Variants in MTCH1 observed in about 807,000 individuals in gnomAD.
MTCH1 encodes the protein mitochondrial carrier 1, also known as mitochondrial carrier homolog 1.
A neutral mutation model predicts 49.3 loss-of-function variants in MTCH1; 23 were observed. The observed-to-expected ratio is 0.47, with a 90% CI of 0.34 to 0.66. MTCH1 has a LOEUF of 0.66. Among genes scored for constraint, MTCH1 ranks in the 30% least tolerant of loss-of-function variants. The pLI, the probability that MTCH1 is intolerant of heterozygous loss-of-function variation, is 0.01. For synonymous variants in MTCH1, 229 were observed against 215.2 expected (o/e 1.06, Z -0.56); for missense variants, 397 against 532.1 (o/e 0.75, Z 2.50).
intron 1 of MTCH1, among the ~76,000 whole-genome samples, chr6:36,983,067 G>C (rs567309499): frequency 8.5e-5 from 13 of 152,360 alleles, no homozygotes; most frequent in Non-Finnish European, 1.5e-4. Flanking sequence ...TATCAAGCAA[G>C]TGCTTTTCAA....
chr6:36,976,389 C>T (rs1036791034), intron 6 of MTCH1: 1 of 367,938 alleles, frequency 2.7e-6, no homozygotes, highest in Admixed American at 3.7e-5. Context: ...CAGTGGAAGG[C>T]AAAGCCCTGG....
At chr6:36,978,658 C>A in intron 2 of MTCH1, 47 bp from the exon 3 acceptor site, 1 of 1,554,476 alleles carries the variant, frequency 6.4e-7, no homozygotes. Context: ...AGTTCAGGGG[C>A]ACCCACTCCT....
At chr6:36,984,895 G>T (rs576444172) in intron 1 of MTCH1, among the ~76,000 whole-genome samples, 1 of 151,788 alleles carries the variant, frequency 6.6e-6, no homozygotes, top group Non-Finnish European at 1.5e-5. Context: ...CAATACTCCC[G>T]TGCCCCTTCT....
intron 8 of MTCH1, 53 bp from the exon 9 acceptor site, chr6:36,970,747 C>G (rs1481377281): frequency 6.3e-7 from 1 of 1,574,878 alleles, no homozygotes; most frequent in Non-Finnish European, 8.7e-7. Flanking sequence ...AGGATGCAGA[C>G]TTCAGCAACA....
intron 8 of MTCH1, among the ~76,000 whole-genome samples, chr6:36,971,275 G>T (rs865918671): frequency 2.8e-4 from 42 of 152,342 alleles, no homozygotes; most frequent in Middle Eastern, 3.4e-3. Flanking sequence ...ATGTCTGCTT[G>T]AGTGGCTTTG....
At chr6:36,969,489 C>T in intron 11 of MTCH1, 3 of 1,082,138 alleles carry the variant, frequency 2.8e-6, no homozygotes, top group Non-Finnish European at 3.4e-6. Flanking sequence ...ACTGCTGGGC[C>T]CAAGAGCTCC....
intron 2 of MTCH1, among the ~76,000 whole-genome samples, chr6:36,980,401 G>A (rs887115393): frequency 1.4e-4 from 22 of 152,214 alleles, no homozygotes; most frequent in African/African-American, 4.6e-4. Flanking sequence ...CATCTGCCCC[G>A]GCTGCCTTAC....
rs148696429 is a variant in MTCH1 at position 36,969,582 on chromosome 6, C to T, written c.1098+457G>A. 3.7e-4 allele frequency: 438 copies of T among 1,168,406 alleles called. 1 individual carries two copies. In the African/African-American group the frequency reaches 6.1e-3, roughly 16 times the overall value. 72.4% of individuals were successfully genotyped at this position (1,168,406 alleles called of 1,614,324 possible). A position where few individuals can be genotyped will look rare whatever the true frequency, so the allele number is the denominator to read the frequency against. ...CAGTTCCCCACGTGGCCCAGCCCCACCCACAGGCTCTCCTGGGCCCAGGAA... is the reference window on the plus strand; with the variant it reads ...CAGTTCCCCACGTGGCCCAGCCCCATCCACAGGCTCTCCTGGGCCCAGGAA... On this transcript the variant is annotated intron_variant, in intron 11 of 11. Transcript: ENST00000373627.
chr6:36,970,457 A>G lies in MTCH1; in HGVS notation c.971T>C (p.Leu324Pro), dbSNP rs1164042591. Reference sequence around the variant, plus strand: ...GCCAACTAGCAGGAAGGGGTAGGTCAGCATGCTCACTGCAATCTGAAACCC... The same window carrying G: ...GCCAACTAGCAGGAAGGGGTAGGTCGGCATGCTCACTGCAATCTGAAACCC... ...KFVMGIAVSMLTYPFLLVGDL... is the reference protein window; with the variant it reads ...KFVMGIAVSMPTYPFLLVGDL... Residue 324 changes from leucine (L) to proline (P), a missense_variant, in exon 10 of 12, where the codon CTG becomes CCG. Coordinates refer to ENST00000373627, the MANE Select transcript of MTCH1 (RefSeq NM_001271641.2). 1 of 1,614,204 alleles carries G rather than the reference A, an allele frequency of 6.2e-7. No individual in the cohort carries two copies. Among genetic ancestry groups the G allele is most frequent in the South Asian group, 1.1e-5 (1 of 91,090 alleles).
chr6:36,983,668 C>T (rs1764189514), intron 1 of MTCH1, among the ~76,000 whole-genome samples: 1 of 152,158 alleles, frequency 6.6e-6, no homozygotes, highest in South Asian at 2.1e-4. Context: ...CAGATACCAG[C>T]AGGGACAGTC....
chr6:36,983,353 C>T (rs918944946), intron 1 of MTCH1, among the ~76,000 whole-genome samples: 3 of 152,158 alleles, frequency 2.0e-5, no homozygotes, highest in Non-Finnish European at 4.4e-5. Context: ...TTTATTCCTC[C>T]ACTCCAAATC....
At chr6:36,970,857 G>A in intron 8 of MTCH1, 163 bp from the exon 9 acceptor site, 1 of 780,102 alleles carries the variant, frequency 1.3e-6, no homozygotes, top group Non-Finnish European at 2.1e-6. Context: ...AGGCCTGGGG[G>A]GCAGAAACGG....
chr6:36,986,277 C>T (rs138959519), upstream of MTCH1: 5,830 of 1,114,184 alleles, frequency 5.2e-3, 201 homozygotes, highest in South Asian at 0.072. Context: ...CGCGGGGGAG[C>T]TCGGGAGCGT....
chr6:36,981,727 C>T, intron 1 of MTCH1, 55 bp from the exon 2 acceptor site: 2 of 1,465,216 alleles, frequency 1.4e-6, no homozygotes. Flanking sequence ...GATTCAGCCT[C>T]ACCACCTCTC....
intron 1 of MTCH1, 58 bp from the exon 2 acceptor site, chr6:36,981,730 C>G: frequency 7.1e-7 from 1 of 1,402,194 alleles, no homozygotes; most frequent in Non-Finnish European, 9.9e-7. Context: ...TCAGCCTCAC[C>G]ACCTCTCCTC....
chr6:36,972,893 A>T lies in MTCH1; in HGVS notation c.762-97T>A. 1 of 1,245,358 alleles carries T rather than the reference A, an allele frequency of 8.0e-7. No individual in the cohort carries two copies. Among genetic ancestry groups the T allele is most frequent in the Non-Finnish European group, 1.1e-6 (1 of 894,610 alleles). 77.1% of individuals were successfully genotyped at this position (1,245,358 alleles called of 1,614,324 possible). A position where few individuals can be genotyped will look rare whatever the true frequency, so the allele number is the denominator to read the frequency against. On this transcript the variant is annotated intron_variant, in intron 7 of 11. Transcript: ENST00000373627. This position sits in a 1 kb window ranked among gnomAD's most constrained non-coding sequence, Gnocchi z 4.1. The stretch of plus-strand genomic sequence containing the variant: ...AGCAGGCAGGGATGTTCCGAGCTCA[A>T]AATCTTAGCATATCCAATGGCACAG...
chr6:36,970,898 G>A, intron 8 of MTCH1: 1 of 634,900 alleles, frequency 1.6e-6, no homozygotes, highest in East Asian at 2.8e-5. Context: ...TCCCGAGAAG[G>A]AGACCCGGTA....
Position 36,978,629 on chromosome 6 carries a change from TG to T in MTCH1, c.407-19del, listed in dbSNP as rs775243301. On this transcript the variant is annotated intron_variant, in intron 2 of 11. Coordinates refer to ENST00000373627, the MANE Select transcript of MTCH1 (RefSeq NM_001271641.2). Reference sequence around the variant, plus strand: ...GTACTTGGCTGTAAGAAAACAGAGGTGGCAGAGGAGTCACACCCAGTTCAGG... The same window carrying T: ...GTACTTGGCTGTAAGAAAACAGAGGTGCAGAGGAGTCACACCCAGTTCAGG... 1 of 1,611,392 alleles carries T rather than the reference TG, an allele frequency of 6.2e-7. No individual in the cohort carries two copies. Among genetic ancestry groups the T allele is most frequent in the Non-Finnish European group, 8.5e-7 (1 of 1,178,134 alleles).
chr6:36,983,025 T>C (rs1488624342), intron 1 of MTCH1, among the ~76,000 whole-genome samples: 1 of 152,266 alleles, frequency 6.6e-6, no homozygotes, highest in East Asian at 1.9e-4. Flanking sequence ...CTTCCAGTGC[T>C]TTTTGGGATC....
Sources: gnomAD v4.1 joint callset for allele counts (sites outside exome capture counted in the v4.1 genomes callset) on GRCh38, gnomAD v4.1.1 for gene constraint, Gnocchi (gnomAD v3.1) non-coding constraint, MANE v1.5 for transcripts, NCBI Gene and HGNC (gene_info 2026-07-23, HGNC 2026-07-21) for gene names.